The following NPAS3 variants were observed in gnomAD, a reference collection of about 807,000 sequenced individuals.
The protein encoded by NPAS3 is neuronal PAS domain-containing protein 3.
Under a neutral mutation model 73.1 loss-of-function variants are expected in NPAS3, and 14 were observed. The observed-to-expected ratio is 0.19, with a 90% CI of 0.13 to 0.30. The LOEUF is 0.30. Among genes scored for constraint, NPAS3 ranks in the 10% least tolerant of loss-of-function variants. The pLI, the probability that NPAS3 is intolerant of heterozygous loss-of-function variation, is 1.00. For missense variants in NPAS3, 1,096 were observed against 1,250.0 expected (o/e 0.88, Z 1.86); for synonymous variants, 620 against 541.5 (o/e 1.14, Z -2.01).
At chr14:33,209,186 T>G (rs1402412684) in intron 2 of NPAS3, among the ~76,000 whole-genome samples, 9 of 152,178 alleles carry the variant, frequency 5.9e-5, no homozygotes, top group Admixed American at 2.0e-4. Flanking sequence ...ATCTTTGTTG[T>G]GCATAATCCT....
intron 3 of NPAS3, among the ~76,000 whole-genome samples, chr14:33,328,525 G>GGC: frequency 8.0e-6 from 1 of 124,992 alleles, no homozygotes; most frequent in South Asian, 2.8e-4. Context: ...GGAGTGCAGT[G>GGC]GCGCGATCTT....
intron 6 of NPAS3, among the ~76,000 whole-genome samples, chr14:33,689,020 T>C (rs768187774): frequency 1.3e-5 from 2 of 152,230 alleles, no homozygotes; most frequent in African/African-American, 2.4e-5. Context: ...TGAGAGTTAC[T>C]GTATGTGAAG....
chr14:33,159,916 A>G (rs1436608310), intron 2 of NPAS3, among the ~76,000 whole-genome samples: 1 of 152,182 alleles, frequency 6.6e-6, no homozygotes, highest in Non-Finnish European at 1.5e-5. Flanking sequence ...TTTTACATAT[A>G]GAATAAAGAC....
chr14:33,366,761 G>T (rs1428354637), intron 3 of NPAS3, among the ~76,000 whole-genome samples: 1 of 152,044 alleles, frequency 6.6e-6, no homozygotes, highest in Non-Finnish European at 1.5e-5. Flanking sequence ...TTTTTTCCTA[G>T]CCTAGAAGAT....
intron 1 of NPAS3, among the ~76,000 whole-genome samples, chr14:33,051,296 A>AAAAAAAAAAAAAAAAAAAAAAAG (rs771840433): frequency 1.4e-5 from 2 of 142,524 alleles, no homozygotes; most frequent in African/African-American, 5.5e-5. Flanking sequence ...AAAAAAAAAA[A>AAAAAAAAAAAAAAAAAAAAAAAG]AGAGAGACTA....
intron 1 of NPAS3, among the ~76,000 whole-genome samples, chr14:32,953,655 C>T (rs1420195303): frequency 6.6e-6 from 1 of 152,008 alleles, no homozygotes; most frequent in Non-Finnish European, 1.5e-5. Context: ...AATGCCGGGT[C>T]GGAGATGAAG....
At chr14:33,345,624 T>C (rs1386927606) in intron 3 of NPAS3, among the ~76,000 whole-genome samples, 1 of 152,184 alleles carries the variant, frequency 6.6e-6, no homozygotes, top group Non-Finnish European at 1.5e-5. Flanking sequence ...AACTTCCTTT[T>C]CTTGTGTTCA....
chr14:33,680,283 C>T (rs1449451207), intron 6 of NPAS3, among the ~76,000 whole-genome samples: 3 of 152,130 alleles, frequency 2.0e-5, no homozygotes, highest in African/African-American at 7.2e-5. Flanking sequence ...AAAACTCTTC[C>T]TATGTTGAAG....
chr14:33,529,334 A>G (rs1236442000), intron 4 of NPAS3, among the ~76,000 whole-genome samples: 1 of 152,108 alleles, frequency 6.6e-6, no homozygotes, highest in Non-Finnish European at 1.5e-5. Context: ...TAACTAGTCT[A>G]TATTTATTGA....
intron 4 of NPAS3, among the ~76,000 whole-genome samples, chr14:33,535,657 G>A (rs959326359): frequency 6.6e-6 from 1 of 152,124 alleles, no homozygotes; most frequent in African/African-American, 2.4e-5. Flanking sequence ...CTGGATTATG[G>A]ATGATTTTTT....
At chr14:33,323,330 T>C (rs549450705) in intron 3 of NPAS3, among the ~76,000 whole-genome samples, 216 of 152,326 alleles carry the variant, frequency 1.4e-3, no homozygotes, top group Middle Eastern at 3.4e-3. Context: ...ATAATCTCTT[T>C]CCTCTTTGTT....
At chr14:33,037,518 T>G (rs2040210797) in intron 1 of NPAS3, among the ~76,000 whole-genome samples, 1 of 150,650 alleles carries the variant, frequency 6.6e-6, no homozygotes, top group African/African-American at 2.4e-5. Flanking sequence ...AAGAAAAAAT[T>G]AGGTTGGTGT....
At chr14:33,259,647 A>G (rs1333327490) in intron 3 of NPAS3, among the ~76,000 whole-genome samples, 1 of 152,146 alleles carries the variant, frequency 6.6e-6, no homozygotes, top group East Asian at 1.9e-4. Flanking sequence ...ATTTTAATAG[A>G]TTTTGTTCAT....
chr14:33,053,650 AATG>A (rs2040786686), intron 1 of NPAS3, among the ~76,000 whole-genome samples: 1 of 152,204 alleles, frequency 6.6e-6, no homozygotes, highest in Admixed American at 6.5e-5. Flanking sequence ...GTGTTAAGTA[AATG>A]ATGGTTTGGG....
intron 3 of NPAS3, among the ~76,000 whole-genome samples, chr14:33,218,550 C>T (rs1220566796): frequency 6.6e-6 from 1 of 152,136 alleles, no homozygotes; most frequent in Non-Finnish European, 1.5e-5. Flanking sequence ...TATAAATAGC[C>T]TGCAGCATCA....
At chr14:32,967,618 A>C (rs1212910660) in intron 1 of NPAS3, among the ~76,000 whole-genome samples, 2 of 152,230 alleles carry the variant, frequency 1.3e-5, no homozygotes, top group Admixed American at 6.5e-5. Context: ...AGGGAAATGC[A>C]CATCAAAACC....
chr14:33,752,827 T>A (rs1429428316), intron 7 of NPAS3, among the ~76,000 whole-genome samples: 2 of 152,204 alleles, frequency 1.3e-5, no homozygotes, highest in Non-Finnish European at 2.9e-5. Context: ...TCTGTCTTTC[T>A]GATATTTTTT....
intron 5 of NPAS3, among the ~76,000 whole-genome samples, chr14:33,666,990 T>A (rs1161200479): frequency 6.6e-6 from 1 of 152,220 alleles, no homozygotes; most frequent in Non-Finnish European, 1.5e-5. Flanking sequence ...TGAGTAATTT[T>A]AAATTTTTCT....
intron 3 of NPAS3, among the ~76,000 whole-genome samples, chr14:33,317,204 A>G (rs901968490): frequency 6.6e-6 from 1 of 152,102 alleles, no homozygotes; most frequent in Non-Finnish European, 1.5e-5. Context: ...AGTGCTATTA[A>G]TGATTGAATA....
Sources: gnomAD v4.1 joint callset for allele counts (sites outside exome capture counted in the v4.1 genomes callset) on GRCh38, gnomAD v4.1.1 for gene constraint, MANE v1.5 for transcripts, NCBI Gene and HGNC (gene_info 2026-07-23, HGNC 2026-07-21) for gene names.